Variants in FHIT observed in about 807,000 individuals in gnomAD.
FHIT encodes bis(5'-adenosyl)-triphosphatase.
Under a neutral mutation model 17.9 loss-of-function variants are expected in FHIT, and 19 were observed. The ratio of observed to expected loss-of-function variants is 1.06; its 90% CI spans 0.74 to 1.56. The LOEUF (loss-of-function observed/expected upper bound fraction) is 1.56, where lower values mean the gene tolerates loss of function less well. FHIT is among the 40% of genes most tolerant of loss of function. FHIT has a pLI of 0.00. For synonymous variants in FHIT, 81 were observed against 69.7 expected, an observed-to-expected ratio of 1.16 and a Z score of -0.81; for missense variants, 248 against 189.2, an observed-to-expected ratio of 1.31 and a Z score of -1.82.
chr3:60,622,168 C>A (rs996415632), intron 4 of FHIT, among the ~76,000 whole-genome samples: 35 of 152,108 alleles, frequency 2.3e-4, no homozygotes, highest in Non-Finnish European at 1.6e-4. Context: ...TCTCACGGTG[C>A]CCCTAAAAGT....
chr3:61,018,272 C>T (rs2032223207), intron 3 of FHIT, among the ~76,000 whole-genome samples: 1 of 152,088 alleles, frequency 6.6e-6, no homozygotes, highest in Admixed American at 6.5e-5. Context: ...ATACATGTGA[C>T]TAATCAAGGA....
intron 5 of FHIT, among the ~76,000 whole-genome samples, chr3:60,104,275 G>T (rs992268827): frequency 6.6e-6 from 1 of 152,116 alleles, no homozygotes; most frequent in African/African-American, 2.4e-5. Flanking sequence ...ATCAACCAGT[G>T]TTCATTAAAT....
chr3:60,398,240 G>A (rs898524895), intron 5 of FHIT, among the ~76,000 whole-genome samples: 1 of 152,130 alleles, frequency 6.6e-6, no homozygotes, highest in Non-Finnish European at 1.5e-5. Flanking sequence ...ATGGGAAGCT[G>A]TGGTTATCGG....
intron 5 of FHIT, among the ~76,000 whole-genome samples, chr3:60,383,388 G>T (rs1282365484): frequency 6.6e-6 from 1 of 151,968 alleles, no homozygotes; most frequent in Non-Finnish European, 1.5e-5. Flanking sequence ...GGTCAATTTT[G>T]CTCCCCCAAC....
intron 1 of FHIT, among the ~76,000 whole-genome samples, chr3:61,209,457 T>C (rs189156799): frequency 5.3e-5 from 8 of 152,366 alleles, no homozygotes; most frequent in Admixed American, 1.3e-4. Context: ...GGTACACCAA[T>C]CAGACATAGA....
chr3:60,797,942 ATAAT>A (rs1297373580), intron 4 of FHIT, among the ~76,000 whole-genome samples: 11 of 152,142 alleles, frequency 7.2e-5, no homozygotes, highest in Non-Finnish European at 2.9e-5. Flanking sequence ...TTTTCAATGT[ATAAT>A]TAATTTATAT....
chr3:60,211,277 T>C (rs1235934385), intron 5 of FHIT, among the ~76,000 whole-genome samples: 2 of 151,890 alleles, frequency 1.3e-5, no homozygotes, highest in Non-Finnish European at 2.9e-5. Context: ...TATATCCACA[T>C]ACAAACACAT....
chr3:59,993,297 C>T (rs1272430675), intron 7 of FHIT, among the ~76,000 whole-genome samples: 1 of 152,074 alleles, frequency 6.6e-6, no homozygotes, highest in African/African-American at 2.4e-5. Context: ...GAGTCTCACA[C>T]ACCTTCTTCA....
At chr3:60,359,586 C>A (rs1232146555) in intron 5 of FHIT, among the ~76,000 whole-genome samples, 1 of 152,118 alleles carries the variant, frequency 6.6e-6, no homozygotes, top group Non-Finnish European at 1.5e-5. Context: ...GCCTGAATAT[C>A]AAAATATCTT....
rs139279967 is a variant in FHIT, at chr3:60,436,986, A to G, written c.103+99874T>C. ...GAAAAGATAAAATCCAAGTATAAATAAAGTAAAGAACAGCACCTAACAAGC... is the reference window on the plus strand; with the variant it reads ...GAAAAGATAAAATCCAAGTATAAATGAAGTAAAGAACAGCACCTAACAAGC... On this transcript the variant is annotated intron_variant, in intron 5 of 9. Transcript: ENST00000492590. Among the ~76,000 whole-genome samples, 1,407 of 152,222 alleles carry G rather than the reference A, an allele frequency of 9.2e-3. 9 individuals carry two copies. Among genetic ancestry groups the G allele is most frequent in the Middle Eastern group, 0.031 (9 of 294 alleles).
intron 1 of FHIT, among the ~76,000 whole-genome samples, chr3:61,209,863 G>C (rs866588524): frequency 2.0e-5 from 3 of 152,136 alleles, no homozygotes; most frequent in Admixed American, 2.0e-4. Context: ...GAGGAGCTGC[G>C]TTCCTTTGGA....
At chr3:60,875,306 C>A (rs1405358027) in intron 3 of FHIT, among the ~76,000 whole-genome samples, 3 of 152,146 alleles carry the variant, frequency 2.0e-5, no homozygotes, top group Admixed American at 1.3e-4. Flanking sequence ...TTCTACCCAC[C>A]TCTTGGGCTA....
chr3:60,387,171 G>A (rs1186877033), intron 5 of FHIT, among the ~76,000 whole-genome samples: 1 of 151,752 alleles, frequency 6.6e-6, no homozygotes, highest in Non-Finnish European at 1.5e-5. Context: ...TGTATTTTTA[G>A]TTAGAGACAG....
At chr3:60,423,877 A>C (rs1003800151) in intron 5 of FHIT, among the ~76,000 whole-genome samples, 1 of 152,166 alleles carries the variant, frequency 6.6e-6, no homozygotes, top group East Asian at 1.9e-4. Context: ...TCCTAATACC[A>C]TAACAAAATC....
chr3:60,746,166 G>T (rs1230780624), intron 4 of FHIT, among the ~76,000 whole-genome samples: 1 of 152,104 alleles, frequency 6.6e-6, no homozygotes, highest in East Asian at 1.9e-4. Flanking sequence ...ATCAATCTTT[G>T]TTATCGCTTG....
At chr3:60,129,099 C>T (rs1316782876) in intron 5 of FHIT, among the ~76,000 whole-genome samples, 1 of 133,906 alleles carries the variant, frequency 7.5e-6, no homozygotes, top group Non-Finnish European at 1.5e-5. Flanking sequence ...ATTGCCCAGA[C>T]TGGAGTGCAG....
chr3:60,408,897 G>GA (rs1701968370), intron 5 of FHIT, among the ~76,000 whole-genome samples: 1 of 152,122 alleles, frequency 6.6e-6, no homozygotes, highest in South Asian at 2.1e-4. Flanking sequence ...GAGAATTTAT[G>GA]AGTATTGCCA....
chr3:60,055,877 G>A (rs1048032989), intron 5 of FHIT, among the ~76,000 whole-genome samples: 2 of 152,172 alleles, frequency 1.3e-5, no homozygotes, highest in Non-Finnish European at 2.9e-5. Context: ...CAGCTTCGAA[G>A]GTACCAAACA....
At chr3:60,976,435 C>A (rs1710255737) in intron 3 of FHIT, among the ~76,000 whole-genome samples, 1 of 151,968 alleles carries the variant, frequency 6.6e-6, no homozygotes, top group African/African-American at 2.4e-5. Flanking sequence ...CAACCCAATG[C>A]AAGCTCACCA....
Sources: gnomAD v4.1 joint callset for allele counts (sites outside exome capture counted in the v4.1 genomes callset) on GRCh38, gnomAD v4.1.1 for gene constraint, MANE v1.5 for transcripts, NCBI Gene and HGNC (gene_info 2026-07-23, HGNC 2026-07-21) for gene names.